ZNF678: variants seen among roughly 807,000 people sequenced by gnomAD.
ZNF678 encodes the protein zinc finger protein 678, also known as hypothetical protein MGC42493.
In ZNF678, 5 loss-of-function variants were observed where a neutral mutation model predicts 3.0. The ratio of observed to expected loss-of-function variants is 1.69; its 90% CI spans 0.88 to 3.56. The LOEUF is 3.56. ZNF678 is among the 30% of genes most tolerant of loss of function. ZNF678 has a pLI of 0.00. For missense variants in ZNF678, 593 were observed against 605.0 expected (o/e 0.98, Z 0.21); for synonymous variants, 218 against 199.6 (o/e 1.09, Z -0.78).
rs373521097 is a variant in ZNF678, at chr1:227,655,764, G to A, written c.1514G>A (p.Ser505Asn). The A allele has an allele frequency of 6.2e-7, 1 of 1,609,316 alleles. No homozygotes were observed. The highest frequency in any genetic ancestry group is 2.2e-5 in the East Asian group (1 of 44,800). The change falls in exon 4 of 4, where the codon AGT becomes AAT. Residue 505 changes from serine to asparagine, a missense_variant. By Grantham distance (46) the Ser-to-Asn change is conservative (BLOSUM62 1). Transcript: ENST00000343776. ...GKGFYQSSIH[S>N]KYKRIYTGEE... Reference sequence around the variant, plus strand: ...GGTTTTTACCAATCCTCAATCCATAGTAAGTATAAGAGAATTTATACTGGA... The same window carrying A: ...GGTTTTTACCAATCCTCAATCCATAATAAGTATAAGAGAATTTATACTGGA...
At position 227,661,496 on chromosome 1, in the gene ZNF678, A is replaced by T. The variant is rs970342934; in HGVS notation, c.*5668A>T. On this transcript the variant is annotated 3_prime_UTR_variant, in exon 4 of 4. Coordinates refer to ENST00000343776, the MANE Select transcript of ZNF678 (RefSeq NM_001367909.1). ...GAGAGTTTCAGTAAAATTCAGAAAA[A>T]AATAATAAATATGAACAGCCACAGC... 1 of 152,298 alleles carries T rather than the reference A, an allele frequency of 6.6e-6. No individual in the cohort carries two copies. The highest frequency in any genetic ancestry group is 1.9e-4 in the East Asian group (1 of 5,188). 9.4% of individuals were successfully genotyped at this position (152,298 alleles called of 1,614,324 possible). A position where few individuals can be genotyped will look rare whatever the true frequency, so the allele number is the denominator to read the frequency against.
intron 1 of ZNF678, among the ~76,000 whole-genome samples, chr1:227,590,539 G>A (rs1657385942): frequency 6.6e-6 from 1 of 151,722 alleles, no homozygotes; most frequent in Non-Finnish European, 1.5e-5. Context: ...CCATAGTATT[G>A]TATAATTTTT....
At chr1:227,654,272 A>G (rs1659157488) in intron 3 of ZNF678, 64 bp from the exon 4 acceptor site, 1 of 1,227,576 alleles carries the variant, frequency 8.1e-7, no homozygotes, top group African/African-American at 1.6e-5. Context: ...TATTTATTAG[A>G]TTTGTAAAGT....
At chr1:227,577,758 A>G (rs568867879) in intron 1 of ZNF678, among the ~76,000 whole-genome samples, 1 of 152,166 alleles carries the variant, frequency 6.6e-6, no homozygotes, top group South Asian at 2.1e-4. Flanking sequence ...ATTAAAATGT[A>G]TGGTTTTGAT....
At chr1:227,648,197 G>T (rs1361824901) in intron 2 of ZNF678, among the ~76,000 whole-genome samples, 1 of 152,048 alleles carries the variant, frequency 6.6e-6, no homozygotes, top group Non-Finnish European at 1.5e-5. Flanking sequence ...TTTTATTAGG[G>T]AGCTTGGAAG....
At chr1:227,616,203 C>T (rs553762951) in intron 1 of ZNF678, among the ~76,000 whole-genome samples, 11 of 152,278 alleles carry the variant, frequency 7.2e-5, no homozygotes, top group Non-Finnish European at 1.3e-4. Flanking sequence ...TTTACCTTCA[C>T]CAAAGGAGAG....
intron 1 of ZNF678, among the ~76,000 whole-genome samples, chr1:227,604,369 A>G (rs552717272): frequency 1.3e-5 from 2 of 152,310 alleles, no homozygotes; most frequent in South Asian, 4.1e-4. Context: ...ATTCTACTGC[A>G]TAAGAAGGGA....
intron 1 of ZNF678, among the ~76,000 whole-genome samples, chr1:227,627,791 T>C (rs1658452827): frequency 6.6e-6 from 1 of 152,234 alleles, no homozygotes; most frequent in Non-Finnish European, 1.5e-5. Context: ...CCATTATCAC[T>C]GGCCACTGCA....
At chr1:227,673,726 C>A (rs1174858042) in intron 5 of ZNF678, among the ~76,000 whole-genome samples, 1 of 152,192 alleles carries the variant, frequency 6.6e-6, no homozygotes, top group Non-Finnish European at 1.5e-5. Flanking sequence ...TAGGACAGGG[C>A]TGCCTTTCAC....
chr1:227,628,317 GA>G (rs1239506502), intron 1 of ZNF678, among the ~76,000 whole-genome samples: 1 of 152,058 alleles, frequency 6.6e-6, no homozygotes, highest in African/African-American at 2.4e-5. Context: ...GACATATAAA[GA>G]AAAGTCTTGC....
chr1:227,588,935 A>G (rs1370187728), intron 1 of ZNF678, among the ~76,000 whole-genome samples: 1 of 149,580 alleles, frequency 6.7e-6, no homozygotes, highest in Non-Finnish European at 1.5e-5. Context: ...GGCTGCATGT[A>G]TGTCTTCTTT....
rs1325633912 is a variant in ZNF678, at chr1:227,661,777, G to A, written c.*5949G>A. 1.3e-5 allele frequency: 2 copies of A among 152,228 alleles called. No homozygotes were observed. The highest frequency in any genetic ancestry group is 2.4e-5 in the African/African-American group (1 of 41,452). The allele number at this position is 152,228 out of a possible 1,614,324, so 9.4% of individuals were successfully genotyped here. A position where few individuals can be genotyped will look rare whatever the true frequency, so the allele number is the denominator to read the frequency against. On this transcript the variant is annotated 3_prime_UTR_variant, in exon 4 of 4. Coordinates refer to ENST00000343776, the MANE Select transcript of ZNF678 (RefSeq NM_001367909.1). Reference sequence around the variant, plus strand: ...CTACTCCAGAAACTATGGTGCTGTGGTGAAGTCCTGGTTAGGAGCCTAGGA... The same window carrying A: ...CTACTCCAGAAACTATGGTGCTGTGATGAAGTCCTGGTTAGGAGCCTAGGA...
At chr1:227,588,270 G>T (rs1657316099) in intron 1 of ZNF678, among the ~76,000 whole-genome samples, 1 of 152,010 alleles carries the variant, frequency 6.6e-6, no homozygotes, top group Non-Finnish European at 1.5e-5. Flanking sequence ...CTTTGCTATT[G>T]TAAATAGTAC....
At chr1:227,673,754 C>T (rs1659637568) in intron 5 of ZNF678, among the ~76,000 whole-genome samples, 1 of 152,134 alleles carries the variant, frequency 6.6e-6, no homozygotes, top group African/African-American at 2.4e-5. Flanking sequence ...AGATATACTG[C>T]CTATTTGGAA....
At chr1:227,645,623 A>G (rs1276302956) in intron 1 of ZNF678, among the ~76,000 whole-genome samples, 1 of 152,212 alleles carries the variant, frequency 6.6e-6, no homozygotes, top group Non-Finnish European at 1.5e-5. Flanking sequence ...TGGATGCCCA[A>G]GATTCCCATT....
At chr1:227,581,488 C>G (rs1012854828) in intron 1 of ZNF678, among the ~76,000 whole-genome samples, 1 of 152,110 alleles carries the variant, frequency 6.6e-6, no homozygotes. Flanking sequence ...ATTTCTAAAA[C>G]CATTAAGTAG....
At chr1:227,613,076 T>C (rs1658058840) in intron 1 of ZNF678, among the ~76,000 whole-genome samples, 1 of 152,170 alleles carries the variant, frequency 6.6e-6, no homozygotes, top group South Asian at 2.1e-4. Context: ...ATGGGCTAAG[T>C]GAAAGTATGA....
intron 1 of ZNF678, among the ~76,000 whole-genome samples, chr1:227,575,540 G>A (rs964794742): frequency 2.0e-5 from 3 of 151,882 alleles, no homozygotes; most frequent in Non-Finnish European, 4.4e-5. Flanking sequence ...TTTGGCTCTC[G>A]GCTTGGCTGT....
At chr1:227,591,510 CTTA>C (rs1657412795) in intron 1 of ZNF678, among the ~76,000 whole-genome samples, 1 of 152,178 alleles carries the variant, frequency 6.6e-6, no homozygotes, top group Non-Finnish European at 1.5e-5. Context: ...CTATTTTTAA[CTTA>C]TTAATGACAG....
Sources: allele counts gnomAD v4.1 joint callset (sites outside exome capture counted in the v4.1 genomes callset), GRCh38; gene constraint gnomAD v4.1.1; transcripts MANE v1.5; gene names NCBI Gene and HGNC (gene_info 2026-07-23, HGNC 2026-07-21).